The following EIF3L variants were observed in gnomAD, a reference collection of about 807,000 sequenced individuals.
EIF3L encodes the protein eIEF associated protein HSPC021.
A neutral mutation model predicts 74.6 loss-of-function variants in EIF3L; 32 were observed. The ratio of observed to expected loss-of-function variants is 0.43; its 90% CI spans 0.32 to 0.58. EIF3L has a LOEUF of 0.58. Among genes scored for constraint, EIF3L ranks in the 20% least tolerant of loss-of-function variants. The pLI, the probability that EIF3L is intolerant of heterozygous loss-of-function variation, is 0.06. For missense variants in EIF3L, 474 were observed against 707.8 expected, an observed-to-expected ratio of 0.67 and a Z score of 3.75; for synonymous variants, 256 against 254.4, an observed-to-expected ratio of 1.01 and a Z score of -0.06.
intron 8 of EIF3L, chr22:37,871,138 AGAAG>A: frequency 6.6e-6 from 1 of 151,370 alleles, no homozygotes; most frequent in South Asian, 2.1e-4. Context: ...AAAAAAAAAA[AGAAG>A]GAAAATCTGG....
At chr22:37,878,348 G>A in intron 11 of EIF3L, 177 bp downstream of exon 11, 2 of 748,550 alleles carry the variant, frequency 2.7e-6, no homozygotes, top group Non-Finnish European at 4.1e-6. Flanking sequence ...GGGAGGCTGG[G>A]GTGGGAGGAT....
intron 3 of EIF3L, among the ~76,000 whole-genome samples, chr22:37,853,727 A>AAAATTTATTATTT (rs1925351557): frequency 6.6e-6 from 1 of 152,218 alleles, no homozygotes; most frequent in Non-Finnish European, 1.5e-5. Flanking sequence ...ATCAGTATTT[A>AAAATTTATTATTT]AAAATTAAGG....
chr22:37,874,843 C>G (rs1339090834), intron 9 of EIF3L, among the ~76,000 whole-genome samples: 1 of 151,640 alleles, frequency 6.6e-6, no homozygotes, highest in Non-Finnish European at 1.5e-5. Flanking sequence ...ATTCCCCTGC[C>G]TCAGCCTCCT....
At chr22:37,852,315 A>G (rs1925271532) in intron 3 of EIF3L, among the ~76,000 whole-genome samples, 1 of 152,232 alleles carries the variant, frequency 6.6e-6, no homozygotes. Flanking sequence ...CAGCACAGAA[A>G]TAAGTCATGT....
intron 11 of EIF3L, chr22:37,882,928 A>T (rs1197166219): frequency 1.3e-5 from 2 of 151,850 alleles, no homozygotes; most frequent in Admixed American, 1.3e-4. Context: ...TGAACCTAGG[A>T]GGCGGAGGTT....
intron 4 of EIF3L, among the ~76,000 whole-genome samples, chr22:37,857,209 AAAG>A (rs1293579322): frequency 1.3e-5 from 2 of 151,696 alleles, no homozygotes; most frequent in Non-Finnish European, 2.9e-5. Flanking sequence ...AAAATGCAAA[AAAG>A]TTATCTGGGC....
At chr22:37,855,796 C>G in intron 4 of EIF3L, 152 bp downstream of exon 4, 1 of 582,468 alleles carries the variant, frequency 1.7e-6, no homozygotes, top group Non-Finnish European at 3.0e-6. Context: ...AATAACTTGT[C>G]GAAGGCTGGA....
At chr22:37,885,778 T>C (rs1031879286) in intron 11 of EIF3L, 4 of 151,684 alleles carry the variant, frequency 2.6e-5, no homozygotes, top group African/African-American at 9.7e-5. Context: ...TAATTTTTAG[T>C]AGAGATGGGG....
In EIF3L at chr22:37,851,426, A is replaced by G; in HGVS notation, c.229A>G (p.Ser77Gly). 3 of 1,614,098 alleles carry G rather than the reference A, an allele frequency of 1.9e-6. No homozygotes were observed. Among genetic ancestry groups the G allele is most frequent in the Non-Finnish European group, 2.5e-6 (3 of 1,180,004 alleles). ...IDQKVYELQASRVSSDVIDQK... is the reference protein window; with the variant it reads ...IDQKVYELQAGRVSSDVIDQK... Reference sequence around the variant, plus strand: ...CCAGAAAGTGTATGAGCTACAGGCCAGTCGTGTCTCCAGTGATGTCATTGA... The same window carrying G: ...CCAGAAAGTGTATGAGCTACAGGCCGGTCGTGTCTCCAGTGATGTCATTGA... The change falls in exon 3 of 13, where the codon AGT becomes GGT. Residue 77 changes from serine (S) to glycine (G), a missense_variant. By Grantham distance (56) the Ser-to-Gly change is moderately conservative. Coordinates refer to ENST00000652021, the MANE Select transcript of EIF3L (RefSeq NM_016091.4).
At chr22:37,852,687 GGTTTTAGGC>G (rs1925289295) in intron 3 of EIF3L, among the ~76,000 whole-genome samples, 1 of 151,814 alleles carries the variant, frequency 6.6e-6, no homozygotes, top group Non-Finnish European at 1.5e-5. Flanking sequence ...GACATTGCAT[GGTTTTAGGC>G]CTCACCCCTG....
chr22:37,861,968 T>G (rs1219067542), intron 5 of EIF3L, among the ~76,000 whole-genome samples: 2 of 152,210 alleles, frequency 1.3e-5, no homozygotes, highest in African/African-American at 4.8e-5. Context: ...TCATTGAATG[T>G]GCTTAGATTG....
chr22:37,855,372 A>G lies in EIF3L; in HGVS notation c.294-193A>G, dbSNP rs115500218. ...TGGGTCCCTAACTGATACAAAAACAATATTTTCTTGTGTTGAGAAAGATTG... is the reference window on the plus strand; with the variant it reads ...TGGGTCCCTAACTGATACAAAAACAGTATTTTCTTGTGTTGAGAAAGATTG... On this transcript the variant is annotated intron_variant, in intron 3 of 12. Coordinates refer to ENST00000652021, the MANE Select transcript of EIF3L (RefSeq NM_016091.4). Among the ~76,000 whole-genome samples the G allele has an allele frequency of 2.7e-3, 416 of 152,314 alleles. 4 individuals carry two copies. The highest frequency in any genetic ancestry group is 9.6e-3 in the African/African-American group (401 of 41,576).
rs375153596 is a variant in EIF3L at position 37,863,309 on chromosome 22, G to A, written c.543G>A (p.Gln181=). Residue 181 remains glutamine, a synonymous_variant, in exon 7 of 13, where the codon CAG becomes CAA. Transcript: ENST00000652021. The part of the protein sequence containing the change: ...DGPAPLELPN[Q]WLWDIIDEFI... Reference sequence around the variant, plus strand: ...CTGCTCCCCTTGAACTACCCAACCAGTGGCTCTGGGATATTATCGATGAGT... The same window carrying A: ...CTGCTCCCCTTGAACTACCCAACCAATGGCTCTGGGATATTATCGATGAGT... 69 of 1,613,894 alleles carry A rather than the reference G, an allele frequency of 4.3e-5. No individual in the cohort carries two copies. The highest frequency in any genetic ancestry group is 5.6e-5 in the Non-Finnish European group (66 of 1,179,994).
intron 9 of EIF3L, among the ~76,000 whole-genome samples, chr22:37,874,819 C>T (rs1337042488): frequency 6.6e-6 from 1 of 151,854 alleles, no homozygotes; most frequent in African/African-American, 2.4e-5. Context: ...ACCTCCGTCT[C>T]CTGGGTTCAA....
chr22:37,870,091 G>T, intron 7 of EIF3L, 85 bp from the exon 8 acceptor site: 1 of 1,265,318 alleles, frequency 7.9e-7, no homozygotes, highest in Non-Finnish European at 1.1e-6. Flanking sequence ...CAGAGCCAGA[G>T]CATTGCCTCG....
intron 11 of EIF3L, chr22:37,879,474 A>G (rs1926931994): frequency 6.6e-6 from 1 of 151,792 alleles, no homozygotes; most frequent in Non-Finnish European, 1.5e-5. Context: ...TAGCCTGGCA[A>G]CAGAGCGACA....
chr22:37,856,513 T>G (rs1925515191), intron 4 of EIF3L, among the ~76,000 whole-genome samples: 1 of 152,226 alleles, frequency 6.6e-6, no homozygotes, highest in Non-Finnish European at 1.5e-5. Flanking sequence ...CCCAGCCACA[T>G]TGTCTTGATT....
At chr22:37,850,131 GCT>G in intron 2 of EIF3L, 68 bp downstream of exon 2, 1 of 1,568,414 alleles carries the variant, frequency 6.4e-7, no homozygotes, top group Non-Finnish European at 8.8e-7. Context: ...CTTAGAACCA[GCT>G]CTGACAGGCA....
chr22:37,871,872 G>GAA (rs34538530), intron 8 of EIF3L, among the ~76,000 whole-genome samples: 21 of 119,820 alleles, frequency 1.8e-4, no homozygotes, highest in African/African-American at 3.7e-4. Context: ...CTGTCTCGGG[G>GAA]AAAAAAAAAA....
Sources: allele counts gnomAD v4.1 joint callset (sites outside exome capture counted in the v4.1 genomes callset), GRCh38; gene constraint gnomAD v4.1.1; transcripts MANE v1.5; gene names NCBI Gene and HGNC (gene_info 2026-07-23, HGNC 2026-07-21).